Variants in B3GALT1 observed in about 807,000 individuals in gnomAD.
B3GALT1 encodes the protein UDP-Gal:betaGlcNAc beta 1,3-galactosyltransferase, polypeptide 1.
A neutral mutation model predicts 23.2 loss-of-function variants in B3GALT1; 10 were observed. The observed-to-expected ratio is 0.43, with a 90% confidence interval of 0.27 to 0.73. The LOEUF is 0.73. Ranked by LOEUF, B3GALT1 falls within the 30% of genes least tolerant of loss-of-function variation. The pLI, the probability that B3GALT1 is intolerant of heterozygous loss-of-function variation, is 0.21. For missense variants in B3GALT1, 299 were observed against 405.4 expected, an observed-to-expected ratio of 0.74 and a Z score of 2.25; for synonymous variants, 156 against 141.5, an observed-to-expected ratio of 1.10 and a Z score of -0.73.
intron 2 of B3GALT1, among the ~76,000 whole-genome samples, chr2:167,600,004 T>G (rs1684846882): frequency 6.6e-6 from 1 of 152,246 alleles, no homozygotes; most frequent in Non-Finnish European, 1.5e-5. Flanking sequence ...TCCCGTATGC[T>G]AAATGCCTTT....
At chr2:167,530,117 T>C (rs1405104358) in intron 2 of B3GALT1, among the ~76,000 whole-genome samples, 1 of 152,140 alleles carries the variant, frequency 6.6e-6, no homozygotes, top group Non-Finnish European at 1.5e-5. Flanking sequence ...TCTGTGACAC[T>C]GATCTCTACT....
At chr2:167,678,972 A>G (rs972396666) in intron 3 of B3GALT1, among the ~76,000 whole-genome samples, 1 of 152,146 alleles carries the variant, frequency 6.6e-6, no homozygotes, top group Non-Finnish European at 1.5e-5. Context: ...CTATTTTTCC[A>G]AAGACTTGGA....
At chr2:167,590,808 C>G (rs1047583758) in intron 2 of B3GALT1, among the ~76,000 whole-genome samples, 5 of 152,190 alleles carry the variant, frequency 3.3e-5, no homozygotes, top group African/African-American at 1.2e-4. Context: ...TAAAGCACCA[C>G]TCACCAAGTC....
intron 1 of B3GALT1, among the ~76,000 whole-genome samples, chr2:167,329,690 G>A (rs1041180530): frequency 6.6e-6 from 1 of 152,100 alleles, no homozygotes; most frequent in Non-Finnish European, 1.5e-5. Flanking sequence ...TTTCTTGTAG[G>A]GCTGGTCTAG....
intron 4 of B3GALT1, among the ~76,000 whole-genome samples, chr2:167,843,140 CAAAATT>C (rs1558999815): frequency 6.6e-6 from 1 of 152,096 alleles, no homozygotes; most frequent in African/African-American, 2.4e-5. Context: ...AAATTACTGA[CAAAATT>C]AAAAATCCTG....
chr2:167,445,636 T>C (rs1479174377), intron 1 of B3GALT1, among the ~76,000 whole-genome samples: 1 of 152,236 alleles, frequency 6.6e-6, no homozygotes, highest in Non-Finnish European at 1.5e-5. Flanking sequence ...TTGTGTTTCT[T>C]GAATTTTGTT....
intron 1 of B3GALT1, among the ~76,000 whole-genome samples, chr2:167,463,748 G>GAAATGAAAA (rs1393439282): frequency 6.6e-6 from 1 of 152,158 alleles, no homozygotes; most frequent in African/African-American, 2.4e-5. Flanking sequence ...AAAATGCAAA[G>GAAATGAAAA]TGTAAGACCA....
chr2:167,438,559 G>A (rs1698826055), intron 1 of B3GALT1, among the ~76,000 whole-genome samples: 1 of 152,152 alleles, frequency 6.6e-6, no homozygotes, highest in Admixed American at 6.5e-5. Context: ...TTTTGGATGG[G>A]CATAAATTGC....
chr2:167,315,795 T>G (rs1696707666), intron 1 of B3GALT1, among the ~76,000 whole-genome samples: 1 of 152,164 alleles, frequency 6.6e-6, no homozygotes, highest in Admixed American at 6.5e-5. Flanking sequence ...CTTTTGAAAA[T>G]GTAATGATAG....
At chr2:167,349,632 C>T (rs1449035741) in intron 1 of B3GALT1, among the ~76,000 whole-genome samples, 1 of 152,062 alleles carries the variant, frequency 6.6e-6, no homozygotes, top group Non-Finnish European at 1.5e-5. Flanking sequence ...TGCAAAGTTA[C>T]AGCCACAGTG....
At position 167,702,344 on chromosome 2, in the gene B3GALT1, C is replaced by A. The variant is rs148644842; in HGVS notation, c.-352+55378C>A. On this transcript the variant is annotated intron_variant, in intron 3 of 4. Transcript: ENST00000392690. ...ATATTATTCCTGCATTACATTATTT[C>A]TCTGAGAAATGTTCTCGATGAAGCA... 3.8e-3 allele frequency among the ~76,000 whole-genome samples: 583 copies of A among 152,278 alleles called. 4 individuals are homozygous for A. The highest frequency in any genetic ancestry group is 0.013 in the African/African-American group (557 of 41,542).
chr2:167,307,090 T>C (rs1158885917), intron 1 of B3GALT1, among the ~76,000 whole-genome samples: 5 of 151,942 alleles, frequency 3.3e-5, no homozygotes, highest in African/African-American at 1.2e-4. Flanking sequence ...AAATATTATA[T>C]TTACCCCACA....
At chr2:167,444,183 A>AT (rs1357047752) in intron 1 of B3GALT1, among the ~76,000 whole-genome samples, 1 of 152,172 alleles carries the variant, frequency 6.6e-6, no homozygotes, top group Non-Finnish European at 1.5e-5. Context: ...TGATTTGCAT[A>AT]TTTTGAACCA....
At chr2:167,458,273 G>A (rs1399066316) in intron 1 of B3GALT1, among the ~76,000 whole-genome samples, 1 of 152,146 alleles carries the variant, frequency 6.6e-6, no homozygotes, top group East Asian at 1.9e-4. Flanking sequence ...CATCTGTGTT[G>A]TAGCATGTGT....
chr2:167,410,813 C>T (rs1373732402), intron 1 of B3GALT1, among the ~76,000 whole-genome samples: 1 of 152,034 alleles, frequency 6.6e-6, no homozygotes, highest in Non-Finnish European at 1.5e-5. Flanking sequence ...AAGGGGCATG[C>T]AAATTATACT....
chr2:167,447,601 G>T (rs1182561715), intron 1 of B3GALT1, among the ~76,000 whole-genome samples: 6 of 152,058 alleles, frequency 3.9e-5, no homozygotes, highest in Non-Finnish European at 8.8e-5. Flanking sequence ...CCTTGCAGTT[G>T]GATCTCAGAC....
intron 3 of B3GALT1, among the ~76,000 whole-genome samples, chr2:167,738,685 A>G (rs1453184365): frequency 6.6e-6 from 1 of 152,200 alleles, no homozygotes; most frequent in African/African-American, 2.4e-5. Context: ...TCAAAACTGA[A>G]AAGAGAGATT....
chr2:167,706,811 A>C (rs1181263246), intron 3 of B3GALT1, among the ~76,000 whole-genome samples: 2 of 152,262 alleles, frequency 1.3e-5, no homozygotes, highest in African/African-American at 4.8e-5. Context: ...ACTGTCTGCC[A>C]TCTCACATGC....
intron 2 of B3GALT1, among the ~76,000 whole-genome samples, chr2:167,529,269 A>G (rs1222666025): frequency 6.6e-6 from 1 of 152,008 alleles, no homozygotes; most frequent in Non-Finnish European, 1.5e-5. Context: ...ATGCTGGCAT[A>G]TCTCATTCCA....
Sources: gnomAD v4.1 joint callset for allele counts (sites outside exome capture counted in the v4.1 genomes callset) on GRCh38, gnomAD v4.1.1 for gene constraint, MANE v1.5 for transcripts, NCBI Gene and HGNC (gene_info 2026-07-23, HGNC 2026-07-21) for gene names.